Variants in SKA2 observed in about 807,000 individuals in gnomAD.
SKA2 encodes spindle and kinetochore associated complex subunit 2.
In SKA2, 13 loss-of-function variants were observed where a neutral mutation model predicts 16.9. The ratio of observed to expected loss-of-function variants is 0.77; its 90% CI spans 0.50 to 1.22. The LOEUF (loss-of-function observed/expected upper bound fraction) is 1.22. Among genes scored for constraint, SKA2 ranks in the 50% most tolerant of loss-of-function variants. SKA2 has a pLI of 0.00. For missense variants in SKA2, 107 were observed against 139.7 expected, an observed-to-expected ratio of 0.77 and a Z score of 1.18; for synonymous variants, 47 against 48.5, an observed-to-expected ratio of 0.97 and a Z score of 0.13.
rs2046264246 is a variant in SKA2, at chr17:59,111,581, T to A, written c.*696A>T. On this transcript the variant is annotated 3_prime_UTR_variant, in exon 4 of 4. Transcript: ENST00000330137. ...CTAGCTTTCATGTAGAATGAACAAT[T>A]ATAGTAATAAAGGCTGAAGGAAAAC... 1 of 152,172 alleles carries A rather than the reference T, an allele frequency of 6.6e-6. No individual in the cohort carries two copies. The highest frequency in any genetic ancestry group is 2.1e-4 in the South Asian group (1 of 4,830). 9.4% of individuals were successfully genotyped at this position (152,172 alleles called of 1,614,324 possible). A position where few individuals can be genotyped will look rare whatever the true frequency, so the allele number is the denominator to read the frequency against.
intron 2 of SKA2, among the ~76,000 whole-genome samples, chr17:59,125,303 G>A (rs1263314294): frequency 6.6e-6 from 1 of 151,218 alleles, no homozygotes; most frequent in Non-Finnish European, 1.5e-5. Flanking sequence ...GAGCCTCTAC[G>A]ATTCTTTTAT....
chr17:59,117,105 G>T lies in SKA2; in HGVS notation c.297+2214C>A, dbSNP rs546195895. Among the ~76,000 whole-genome samples the T allele has an allele frequency of 2.2e-4, 33 of 151,996 alleles. No homozygotes were observed. In the South Asian group the frequency reaches 6.9e-3, roughly 32 times the overall value. On this transcript the variant is annotated intron_variant, in intron 3 of 3. Transcript: ENST00000330137. ...GCTGGGATTACAGGTGTGAGCCACC[G>T]CACCCGGCCTCTTTGGCTTTCCTAA...
In SKA2 at chr17:59,140,991, C is replaced by T. The variant is rs149837754; in HGVS notation, c.34-9624G>A. 8.0e-3 allele frequency among the ~76,000 whole-genome samples: 1,209 copies of T among 151,156 alleles called. 5 individuals are homozygous for T. The highest frequency in any genetic ancestry group is 0.031 in the Middle Eastern group (9 of 294). The stretch of plus-strand genomic sequence containing the variant: ...TTTTTTTCCTTTGTAGAGACAGAGT[C>T]TCGTTTTGTTGCCCAGGCTGGTCTC... On this transcript the variant is annotated intron_variant, in intron 1 of 3. Transcript: ENST00000330137.
intron 2 of SKA2, chr17:59,129,358 T>TACACATAC (rs1555711820): frequency 2.2e-5 from 3 of 136,792 alleles, no homozygotes; most frequent in Admixed American, 7.5e-5. Context: ...TAAACACACA[T>TACACATAC]ACACACACAC....
intron 1 of SKA2, among the ~76,000 whole-genome samples, chr17:59,154,299 G>C (rs1488439382): frequency 6.6e-6 from 1 of 152,170 alleles, no homozygotes; most frequent in Non-Finnish European, 1.5e-5. Flanking sequence ...GGATGGGAGG[G>C]AGGGAATAAA....
At chr17:59,137,379 A>G (rs2046453892) in intron 1 of SKA2, among the ~76,000 whole-genome samples, 1 of 152,192 alleles carries the variant, frequency 6.6e-6, no homozygotes, top group Non-Finnish European at 1.5e-5. Context: ...ATATCACTAA[A>G]GTTACAAAGC....
At chr17:59,116,391 A>C (rs1216607323) in intron 3 of SKA2, among the ~76,000 whole-genome samples, 3 of 143,698 alleles carry the variant, frequency 2.1e-5, no homozygotes, top group East Asian at 1.9e-4. Context: ...AACAAACAAA[A>C]AAATTAAATA....
chr17:59,120,123 T>A (rs971922685), intron 2 of SKA2, among the ~76,000 whole-genome samples: 2 of 152,082 alleles, frequency 1.3e-5, no homozygotes, highest in African/African-American at 2.4e-5. Flanking sequence ...TTAGCAAGGA[T>A]GGTCTCAATC....
intron 2 of SKA2, among the ~76,000 whole-genome samples, chr17:59,128,521 G>A (rs2147804008): frequency 6.6e-6 from 1 of 152,046 alleles, no homozygotes; most frequent in African/African-American, 2.4e-5. Flanking sequence ...AGCTACTCAG[G>A]AAGTTGAGGC....
intron 1 of SKA2, among the ~76,000 whole-genome samples, chr17:59,136,983 T>C (rs1007587004): frequency 6.6e-6 from 1 of 152,186 alleles, no homozygotes; most frequent in Admixed American, 6.5e-5. Flanking sequence ...ATTTAAGCCA[T>C]TAAGAGTCAC....
At chr17:59,130,457 C>CAAAAAA (rs569934567) in intron 2 of SKA2, among the ~76,000 whole-genome samples, 9 of 70,388 alleles carry the variant, frequency 1.3e-4, no homozygotes, top group Non-Finnish European at 2.2e-4. Flanking sequence ...ACTAAAAATA[C>CAAAAAA]AAAAAAAAAA....
intron 1 of SKA2, among the ~76,000 whole-genome samples, chr17:59,150,743 G>A (rs748666398): frequency 4.0e-5 from 6 of 151,610 alleles, no homozygotes; most frequent in Non-Finnish European, 7.4e-5. Context: ...CTCTGTCTCT[G>A]GAGAAAAAAA....
chr17:59,155,061 TTGTGCCC>T, intron 1 of SKA2, 63 bp downstream of exon 1: 1 of 1,613,912 alleles, frequency 6.2e-7, no homozygotes, highest in Non-Finnish European at 8.5e-7. Context: ...CGACTCCAAA[TTGTGCCC>T]CACCTCCGAG....
At chr17:59,132,597 G>C (rs1482936506) in intron 1 of SKA2, among the ~76,000 whole-genome samples, 1 of 152,196 alleles carries the variant, frequency 6.6e-6, no homozygotes, top group East Asian at 1.9e-4. Context: ...CGAGGAAGCG[G>C]AAGTTGCAGT....
intron 1 of SKA2, among the ~76,000 whole-genome samples, chr17:59,138,961 C>T (rs560028336): frequency 3.3e-5 from 5 of 152,270 alleles, no homozygotes; most frequent in South Asian, 4.1e-4. Flanking sequence ...AAGCTCTAAA[C>T]ACATCCTCTT....
intron 1 of SKA2, 28 bp downstream of exon 1, chr17:59,155,103 C>CA (rs1568314560): frequency 6.2e-7 from 1 of 1,614,010 alleles, no homozygotes; most frequent in Admixed American, 1.7e-5. Flanking sequence ...ATAAACTACC[C>CA]AGTAGATCTC....
At chr17:59,155,108 G>T in intron 1 of SKA2, 23 bp downstream of exon 1, 1 of 1,614,006 alleles carries the variant, frequency 6.2e-7, no homozygotes, top group African/African-American at 1.3e-5. Context: ...CTACCCAGTA[G>T]ATCTCCTTCA....
chr17:59,126,265 T>C (rs556367279), intron 2 of SKA2, among the ~76,000 whole-genome samples: 8 of 152,346 alleles, frequency 5.3e-5, no homozygotes, highest in Admixed American at 1.3e-4. Flanking sequence ...TAGAAACTTA[T>C]AGTTTCTTGT....
At chr17:59,148,283 T>C (rs1271504634) in intron 1 of SKA2, among the ~76,000 whole-genome samples, 1 of 152,088 alleles carries the variant, frequency 6.6e-6, no homozygotes, top group Non-Finnish European at 1.5e-5. Flanking sequence ...ATTGCTAACA[T>C]AACAATTCTC....
Sources: allele counts gnomAD v4.1 joint callset (sites outside exome capture counted in the v4.1 genomes callset), GRCh38; gene constraint gnomAD v4.1.1; transcripts MANE v1.5; gene names NCBI Gene and HGNC (gene_info 2026-07-23, HGNC 2026-07-21).